NRF1: variants seen among roughly 807,000 people sequenced by gnomAD.
NRF1 encodes the protein alpha palindromic-binding protein.
Under a neutral mutation model 58.5 loss-of-function variants are expected in NRF1, and 5 were observed. That is an observed-to-expected ratio of 0.09 (90% confidence interval 0.04 to 0.18). The LOEUF is 0.18. Among genes scored for constraint, NRF1 ranks in the 10% least tolerant of loss-of-function variants. The pLI is 1.00. For synonymous variants in NRF1, 224 were observed against 246.7 expected (o/e 0.91, Z 0.86); for missense variants, 288 against 657.7 (o/e 0.44, Z 6.15).
At chr7:129,625,081 AGGAGACTCT>A (rs1265510265) in intron 1 of NRF1, among the ~76,000 whole-genome samples, 1 of 152,168 alleles carries the variant, frequency 6.6e-6, no homozygotes, top group Non-Finnish European at 1.5e-5. Context: ...GCGCTCCCTC[AGGAGACTCT>A]GGGGGAGAAT....
chr7:129,705,989 A>G (rs780836506), intron 5 of NRF1, among the ~76,000 whole-genome samples: 1 of 152,190 alleles, frequency 6.6e-6, no homozygotes, highest in Non-Finnish European at 1.5e-5. Flanking sequence ...TATGTTCCAC[A>G]AAGAATGTAG....
intron 1 of NRF1, among the ~76,000 whole-genome samples, chr7:129,627,959 C>T (rs1800956372): frequency 6.6e-6 from 1 of 151,186 alleles, no homozygotes; most frequent in Non-Finnish European, 1.5e-5. Context: ...TAGAAGGACT[C>T]TGGCAATCAT....
chr7:129,744,746 G>A (rs531210729), intron 10 of NRF1, among the ~76,000 whole-genome samples: 2 of 152,286 alleles, frequency 1.3e-5, no homozygotes, highest in East Asian at 3.9e-4. Context: ...TCACTGCCTA[G>A]AGCAAATTTA....
At position 129,710,505 on chromosome 7, in the gene NRF1, T is replaced by C. The variant is rs1440388690; in HGVS notation, c.897T>C (p.His299=). ...CCACAGCCACACATAGTATAGCTCATCTTGTACCATCACAGACTGTAGTCC... is the reference window on the plus strand; with the variant it reads ...CCACAGCCACACATAGTATAGCTCACCTTGTACCATCACAGACTGTAGTCC... ...TQATATHSIA[H]LVPSQTVVQT... Residue 299 remains histidine (H), a synonymous_variant, in exon 7 of 11, where the codon CAT becomes CAC. Transcript: ENST00000393232. 6.2e-7 allele frequency: 1 copy of C among 1,607,654 alleles called. No homozygotes were observed. The highest frequency in any genetic ancestry group is 1.3e-5 in the African/African-American group (1 of 74,782).
At chr7:129,692,677 C>T (rs965736393) in intron 5 of NRF1, among the ~76,000 whole-genome samples, 6 of 152,148 alleles carry the variant, frequency 3.9e-5, no homozygotes, top group Non-Finnish European at 5.9e-5. Context: ...CAAATTCAGA[C>T]TCTGCCATGG....
At chr7:129,624,701 G>T (rs1475358371) in intron 1 of NRF1, among the ~76,000 whole-genome samples, 1 of 151,886 alleles carries the variant, frequency 6.6e-6, no homozygotes, top group African/African-American at 2.4e-5. Flanking sequence ...TTATTTTTTG[G>T]AGACAACGTC....
At chr7:129,662,835 T>C (rs1306900430) in intron 2 of NRF1, among the ~76,000 whole-genome samples, 1 of 152,106 alleles carries the variant, frequency 6.6e-6, no homozygotes, top group East Asian at 1.9e-4. Context: ...AGGATAATAG[T>C]GGAGAGAAGG....
chr7:129,719,954 G>A (rs1803282829), intron 9 of NRF1, among the ~76,000 whole-genome samples: 2 of 152,118 alleles, frequency 1.3e-5, no homozygotes, highest in Admixed American at 6.5e-5. Flanking sequence ...TGTACATAGT[G>A]GAAAATATGA....
chr7:129,745,930 G>A (rs1325480508), intron 10 of NRF1, among the ~76,000 whole-genome samples: 1 of 152,190 alleles, frequency 6.6e-6, no homozygotes, highest in Non-Finnish European at 1.5e-5. Flanking sequence ...TGCAAAAGCA[G>A]GCAAAAGATA....
chr7:129,695,778 G>A (rs1367666597), intron 5 of NRF1, among the ~76,000 whole-genome samples: 1 of 150,358 alleles, frequency 6.7e-6, no homozygotes, highest in African/African-American at 2.4e-5. Flanking sequence ...GAACTTGGAG[G>A]GATGTACATT....
intron 4 of NRF1, among the ~76,000 whole-genome samples, chr7:129,684,393 C>A (rs958611822): frequency 1.3e-5 from 2 of 152,156 alleles, no homozygotes; most frequent in African/African-American, 4.8e-5. Flanking sequence ...AAGTTAAAAT[C>A]TCAGCCAAGT....
intron 4 of NRF1, among the ~76,000 whole-genome samples, chr7:129,684,725 A>C (rs1372011781): frequency 6.6e-6 from 1 of 152,180 alleles, no homozygotes; most frequent in Non-Finnish European, 1.5e-5. Context: ...TGGGAGTTGC[A>C]TGCAATGTGG....
chr7:129,686,298 C>G (rs1802442972), intron 4 of NRF1, among the ~76,000 whole-genome samples: 1 of 151,974 alleles, frequency 6.6e-6, no homozygotes, highest in Non-Finnish European at 1.5e-5. Flanking sequence ...GCAGGCACAA[C>G]TTTATCTGGA....
intron 2 of NRF1, among the ~76,000 whole-genome samples, chr7:129,671,066 C>G (rs1330752719): frequency 2.6e-5 from 4 of 152,064 alleles, no homozygotes; most frequent in Non-Finnish European, 4.4e-5. Flanking sequence ...TCAATTTTGG[C>G]AAACTTCTCC....
At position 129,735,237 on chromosome 7, in the gene NRF1, TAA is replaced by T; in HGVS notation, c.1348+7876_1348+7877del. On this transcript the variant is annotated intron_variant, in intron 10 of 10. Coordinates refer to ENST00000393232, the MANE Select transcript of NRF1 (RefSeq NM_005011.5). ...AAGAGAAATGGACTGGAGGGCTGTT[TAA>T]AAATTAAAGCTGCTGGGTGCGGTGG... 3.0e-6 allele frequency: 3 copies of T among 985,384 alleles called. No homozygotes were observed. The Admixed American group carries it at 1.8e-4, about 61-fold the overall frequency. The allele number at this position is 985,384 out of a possible 1,614,324, so 61.0% of individuals were successfully genotyped here. A position where few individuals can be genotyped will look rare whatever the true frequency, so the allele number is the denominator to read the frequency against.
At chr7:129,699,447 C>T (rs1802767607) in intron 5 of NRF1, among the ~76,000 whole-genome samples, 1 of 152,144 alleles carries the variant, frequency 6.6e-6, no homozygotes, top group African/African-American at 2.4e-5. Flanking sequence ...GGCATGATGG[C>T]TCATGCCTGT....
chr7:129,713,539 G>C (rs966991326), intron 8 of NRF1, among the ~76,000 whole-genome samples: 9 of 152,154 alleles, frequency 5.9e-5, no homozygotes, highest in Non-Finnish European at 1.3e-4. Context: ...ATAACAAATA[G>C]GAAAATATCA....
intron 2 of NRF1, among the ~76,000 whole-genome samples, chr7:129,664,154 G>A (rs1801868329): frequency 6.6e-6 from 1 of 151,454 alleles, no homozygotes; most frequent in Non-Finnish European, 1.5e-5. Flanking sequence ...GGGGGAAAGG[G>A]AGGGAGAGGG....
chr7:129,680,675 A>G (rs1802287817), intron 4 of NRF1, among the ~76,000 whole-genome samples: 1 of 152,210 alleles, frequency 6.6e-6, no homozygotes, highest in African/African-American at 2.4e-5. Flanking sequence ...ACATTGTGCT[A>G]AGCAAAAGAA....
Sources: allele counts gnomAD v4.1 joint callset (sites outside exome capture counted in the v4.1 genomes callset), GRCh38; gene constraint gnomAD v4.1.1; transcripts MANE v1.5; gene names NCBI Gene and HGNC (gene_info 2026-07-23, HGNC 2026-07-21).